The following EYA4 variants were observed in gnomAD, a reference collection of about 807,000 sequenced individuals.
EYA4 encodes the protein EYA transcriptional coactivator and phosphatase 4, also known as protein phosphatase EYA4.
In EYA4, 31 loss-of-function variants were observed where a neutral mutation model predicts 87.9. The ratio of observed to expected loss-of-function variants is 0.35; its 90% CI spans 0.27 to 0.48. The LOEUF (loss-of-function observed/expected upper bound fraction) is 0.48. Among genes scored for constraint, EYA4 ranks in the 20% least tolerant of loss-of-function variants. EYA4 has a pLI of 0.99. For missense variants in EYA4, 678 were observed against 761.4 expected, an observed-to-expected ratio of 0.89 and a Z score of 1.29; for synonymous variants, 263 against 270.6, an observed-to-expected ratio of 0.97 and a Z score of 0.28.
chr6:133,448,273 T>C (rs989573735), intron 5 of EYA4, 94 bp downstream of exon 5: 2 of 944,160 alleles, frequency 2.1e-6, no homozygotes, highest in African/African-American at 3.2e-5. Context: ...TGCATCTCTT[T>C]TCTGTGTTCA....
intron 13 of EYA4, among the ~76,000 whole-genome samples, chr6:133,503,353 G>A (rs1798303166): frequency 6.6e-6 from 1 of 152,076 alleles, no homozygotes; most frequent in South Asian, 2.1e-4. Flanking sequence ...ATTCAATAAT[G>A]GTATTTAAAA....
chr6:133,294,733 A>G (rs1309040870), intron 2 of EYA4, among the ~76,000 whole-genome samples: 1 of 151,740 alleles, frequency 6.6e-6, no homozygotes, highest in Non-Finnish European at 1.5e-5. Flanking sequence ...ATGCGTGGCT[A>G]ATTTTTGTTA....
Position 133,462,692 on chromosome 6 carries a change from G to A in EYA4, c.652G>A (p.Gly218Ser), listed in dbSNP as rs754538025. The A allele has an allele frequency of 2.5e-6, 4 of 1,613,798 alleles. No homozygotes were observed. The highest frequency in any genetic ancestry group is 1.3e-5 in the African/African-American group (1 of 75,002). The change falls in exon 9 of 20, where the codon GGC becomes AGC. Residue 218 changes from glycine (G) to serine (S), a missense_variant. Coordinates refer to ENST00000355286, the MANE Select transcript of EYA4 (RefSeq NM_004100.5). ...LSQTQSPLQS[G>S]CLSYSPGFST... ...CCAAACTCAGTCCCCATTACAGAGT[G>A]GCTGCCTCAGTTACAGCCCAGGGTT...
chr6:133,440,260 T>A (rs1223088231), intron 3 of EYA4, among the ~76,000 whole-genome samples: 3 of 152,226 alleles, frequency 2.0e-5, no homozygotes, highest in African/African-American at 7.2e-5. Flanking sequence ...CACATATAAA[T>A]GACACCTAAA....
chr6:133,503,144 T>A (rs3777882), intron 13 of EYA4, among the ~76,000 whole-genome samples: 5 of 152,290 alleles, frequency 3.3e-5, no homozygotes, highest in East Asian at 1.9e-4. Flanking sequence ...TTAAAAAAAA[T>A]TATGCTTGTT....
intron 2 of EYA4, among the ~76,000 whole-genome samples, chr6:133,313,519 A>G (rs1780392676): frequency 6.6e-6 from 1 of 152,158 alleles, no homozygotes; most frequent in Admixed American, 6.6e-5. Flanking sequence ...ATTTTCTAGG[A>G]GAAAATAGAT....
intron 14 of EYA4, among the ~76,000 whole-genome samples, chr6:133,507,948 C>T (rs1391143477): frequency 6.6e-6 from 1 of 152,102 alleles, no homozygotes; most frequent in East Asian, 1.9e-4. Context: ...GGAGTTGCCA[C>T]ACTGTCTTCC....
chr6:133,291,352 C>T lies in EYA4; in HGVS notation c.33+16539C>T, dbSNP rs17062290. Reference sequence around the variant, plus strand: ...AGCTTTATTTTCTTATTTTAGCTAACTCTTGTCTGAATAGCTCCTTCATCA... The same window carrying T: ...AGCTTTATTTTCTTATTTTAGCTAATTCTTGTCTGAATAGCTCCTTCATCA... On this transcript the variant is annotated intron_variant, in intron 2 of 19. Coordinates refer to ENST00000355286, the MANE Select transcript of EYA4 (RefSeq NM_004100.5). Among the ~76,000 whole-genome samples, 1,356 of 152,266 alleles carry T rather than the reference C, an allele frequency of 8.9e-3. 22 individuals carry two copies. Among genetic ancestry groups the T allele is most frequent in the African/African-American group, 0.031 (1,296 of 41,552 alleles).
chr6:133,381,079 T>C (rs949638959), intron 2 of EYA4, among the ~76,000 whole-genome samples: 23 of 144,252 alleles, frequency 1.6e-4, no homozygotes, highest in African/African-American at 5.3e-4. Flanking sequence ...TTTTTTCTTT[T>C]TTTTTTTTTT....
In EYA4 at chr6:133,498,644, A is replaced by G. The variant is rs569890121; in HGVS notation, c.1192-7462A>G. Among the ~76,000 whole-genome samples the G allele has an allele frequency of 9.2e-4, 140 of 152,346 alleles. 1 individual carries two copies. Among genetic ancestry groups the G allele is most frequent in the African/African-American group, 3.0e-3 (126 of 41,572 alleles). ...TATATATTATATAAAAGGAATGATT[A>G]CAGAATTTGCAAGACTCAAAAAATG... On this transcript the variant is annotated intron_variant, in intron 13 of 19. Transcript: ENST00000355286.
intron 11 of EYA4, 102 bp from the exon 12 acceptor site, chr6:133,481,350 TGCCATCAGGAG>T: frequency 9.8e-7 from 1 of 1,015,358 alleles, no homozygotes. Context: ...ATCTCTTTTT[TGCCATCAGGAG>T]GTTTCTATTG....
intron 2 of EYA4, among the ~76,000 whole-genome samples, chr6:133,292,756 A>G (rs192328322): frequency 6.6e-6 from 1 of 152,234 alleles, no homozygotes; most frequent in African/African-American, 2.4e-5. Flanking sequence ...GTCTAGATGC[A>G]TATTTATACC....
intron 2 of EYA4, among the ~76,000 whole-genome samples, chr6:133,369,621 C>CA (rs1172613190): frequency 6.6e-6 from 1 of 151,828 alleles, no homozygotes; most frequent in East Asian, 1.9e-4. Flanking sequence ...TTGTCTTATC[C>CA]AAAAAAACGA....
intron 1 of EYA4, chr6:133,247,947 T>A (rs1391196410): frequency 6.6e-6 from 1 of 152,156 alleles, no homozygotes. Context: ...AAAAACAGAC[T>A]GTCAGATACG....
chr6:133,495,004 C>T (rs929285120), intron 13 of EYA4, among the ~76,000 whole-genome samples: 4 of 152,128 alleles, frequency 2.6e-5, no homozygotes, highest in African/African-American at 9.7e-5. Flanking sequence ...TGCGGTGGCT[C>T]ACGCCTATAA....
At chr6:133,265,799 A>G (rs1157670302) in intron 1 of EYA4, among the ~76,000 whole-genome samples, 1 of 152,212 alleles carries the variant, frequency 6.6e-6, no homozygotes, top group African/African-American at 2.4e-5. Context: ...CAGTTCATGA[A>G]ATAGATTCTG....
In EYA4 at chr6:133,348,168, T is replaced by C. The variant is rs555218048; in HGVS notation, c.34-34224T>C. Among the ~76,000 whole-genome samples the C allele has an allele frequency of 2.0e-5, 3 of 152,168 alleles. No individual in the cohort carries two copies. The South Asian group carries it at 6.2e-4, about 32-fold the overall frequency. On this transcript the variant is annotated intron_variant, in intron 2 of 19. Coordinates refer to ENST00000355286, the MANE Select transcript of EYA4 (RefSeq NM_004100.5). ...GAGTAATGCAAAGTTTTCTACCCAT[T>C]CTTGCTTAAACATAAATTTTGAAGC...
intron 19 of EYA4, among the ~76,000 whole-genome samples, chr6:133,527,465 A>G (rs745724708): frequency 1.3e-5 from 2 of 152,232 alleles, no homozygotes; most frequent in Non-Finnish European, 2.9e-5. Context: ...TAGAAGCTAC[A>G]TTTTACAAAA....
chr6:133,324,804 G>A (rs1416693943), intron 2 of EYA4, among the ~76,000 whole-genome samples: 1 of 151,386 alleles, frequency 6.6e-6, no homozygotes, highest in East Asian at 1.9e-4. Context: ...GCTTTTCATT[G>A]GGAAATTGGT....
Sources: gnomAD v4.1 joint callset for allele counts (sites outside exome capture counted in the v4.1 genomes callset) on GRCh38, gnomAD v4.1.1 for gene constraint, MANE v1.5 for transcripts, NCBI Gene and HGNC (gene_info 2026-07-23, HGNC 2026-07-21) for gene names.